The following OXR1 variants were observed in gnomAD, a reference collection of about 807,000 sequenced individuals.
OXR1 encodes the protein oxidation resistance protein 1.
Under a neutral mutation model 104.6 loss-of-function variants are expected in OXR1, and 41 were observed. The ratio of observed to expected loss-of-function variants is 0.39; its 90% CI spans 0.31 to 0.51. OXR1 has a LOEUF of 0.51. Among genes scored for constraint, OXR1 ranks in the 20% least tolerant of loss-of-function variants. The pLI is 0.77. For synonymous variants in OXR1, 348 were observed against 348.4 expected, an observed-to-expected ratio of 1.00 and a Z score of 0.01; for missense variants, 955 against 1,031.9, an observed-to-expected ratio of 0.93 and a Z score of 1.02.
chr8:106,433,801 G>C (rs550620685), intron 2 of OXR1, among the ~76,000 whole-genome samples: 1 of 152,258 alleles, frequency 6.6e-6, no homozygotes, highest in African/African-American at 2.4e-5. Context: ...ACTATTGCTA[G>C]ATTGTAGTTA....
intron 2 of OXR1, among the ~76,000 whole-genome samples, chr8:106,481,029 C>T (rs1406633966): frequency 2.0e-5 from 3 of 151,986 alleles, no homozygotes; most frequent in African/African-American, 7.2e-5. Context: ...CAGTGTATGG[C>T]TTACCAAGTA....
chr8:106,524,894 C>T (rs1046442640), intron 3 of OXR1, among the ~76,000 whole-genome samples: 2 of 152,116 alleles, frequency 1.3e-5, no homozygotes, highest in South Asian at 4.2e-4. Context: ...TTTATGGGCT[C>T]CATAGAGCAA....
chr8:106,588,529 C>A (rs991883060), intron 3 of OXR1, among the ~76,000 whole-genome samples: 1 of 151,654 alleles, frequency 6.6e-6, no homozygotes. Context: ...GCTCTGTCAC[C>A]CAGGCTAGAG....
chr8:106,592,004 A>G (rs568662617), intron 3 of OXR1, among the ~76,000 whole-genome samples: 28 of 152,288 alleles, frequency 1.8e-4, no homozygotes, highest in Admixed American at 5.2e-4. Flanking sequence ...CTTCACGTGT[A>G]CTCAAAATTA....
intron 2 of OXR1, among the ~76,000 whole-genome samples, chr8:106,461,647 T>C (rs1341519164): frequency 1.3e-5 from 2 of 152,176 alleles, no homozygotes; most frequent in African/African-American, 4.8e-5. Context: ...TTTAAAACTA[T>C]TTTAAGCCTG....
At chr8:106,507,737 G>A (rs1812265066) in intron 2 of OXR1, among the ~76,000 whole-genome samples, 1 of 152,220 alleles carries the variant, frequency 6.6e-6, no homozygotes, top group Non-Finnish European at 1.5e-5. Context: ...CGAGTGAACA[G>A]GATAAGAGAG....
At chr8:106,398,564 A>G (rs1288267410) in intron 2 of OXR1, among the ~76,000 whole-genome samples, 1 of 151,464 alleles carries the variant, frequency 6.6e-6, no homozygotes, top group East Asian at 1.9e-4. Flanking sequence ...GTATAAAACT[A>G]ATTAGCCTCT....
intron 3 of OXR1, among the ~76,000 whole-genome samples, chr8:106,620,351 C>G (rs1821602643): frequency 6.6e-6 from 1 of 151,952 alleles, no homozygotes; most frequent in African/African-American, 2.4e-5. Context: ...TCATGCGTCT[C>G]ACAATCAGTG....
At chr8:106,513,916 G>A (rs1812698378) in intron 2 of OXR1, among the ~76,000 whole-genome samples, 1 of 152,112 alleles carries the variant, frequency 6.6e-6, no homozygotes, top group African/African-American at 2.4e-5. Context: ...GCTGAAGGAA[G>A]GCATTGGAAT....
intron 9 of OXR1, among the ~76,000 whole-genome samples, chr8:106,708,498 C>G (rs1331110319): frequency 2.0e-5 from 3 of 152,160 alleles, no homozygotes; most frequent in Non-Finnish European, 4.4e-5. Context: ...TTTAACTACT[C>G]TAGATACTTC....
At chr8:106,539,183 G>A (rs997976606) in intron 3 of OXR1, among the ~76,000 whole-genome samples, 4 of 152,114 alleles carry the variant, frequency 2.6e-5, no homozygotes, top group Non-Finnish European at 5.9e-5. Context: ...TGCTGTAGTT[G>A]ATAAAAGTGA....
chr8:106,657,187 C>G (rs977584706), intron 3 of OXR1, among the ~76,000 whole-genome samples: 2 of 152,088 alleles, frequency 1.3e-5, no homozygotes, highest in African/African-American at 4.8e-5. Context: ...GTTGCCTAAA[C>G]AGGACTGGGA....
intron 1 of OXR1, among the ~76,000 whole-genome samples, chr8:106,313,144 T>A (rs1180539029): frequency 6.6e-6 from 1 of 152,188 alleles, no homozygotes; most frequent in Non-Finnish European, 1.5e-5. Context: ...GTAGTCACAA[T>A]GATATGTGAA....
chr8:106,573,044 T>G (rs895958041), intron 3 of OXR1, among the ~76,000 whole-genome samples: 1 of 152,086 alleles, frequency 6.6e-6, no homozygotes, highest in Non-Finnish European at 1.5e-5. Context: ...TTAAGAAAAC[T>G]GGGTGTTTCA....
At chr8:106,550,662 C>T (rs533999855) in intron 3 of OXR1, among the ~76,000 whole-genome samples, 1 of 152,240 alleles carries the variant, frequency 6.6e-6, no homozygotes, top group South Asian at 2.1e-4. Context: ...TTTCCCTGCT[C>T]TTGATCATTC....
At chr8:106,717,589 A>G (rs1832392192) in intron 11 of OXR1, among the ~76,000 whole-genome samples, 1 of 152,222 alleles carries the variant, frequency 6.6e-6, no homozygotes, top group African/African-American at 2.4e-5. Flanking sequence ...TAAATTTGGT[A>G]AACTTATTGT....
At chr8:106,581,273 T>G in intron 3 of OXR1, 1 of 1,279,098 alleles carries the variant, frequency 7.8e-7, no homozygotes, top group Non-Finnish European at 1.0e-6. Flanking sequence ...AAATCATGCC[T>G]TTCTATTTTT....
At chr8:106,350,219 T>C (rs1815667237) in intron 1 of OXR1, among the ~76,000 whole-genome samples, 1 of 152,116 alleles carries the variant, frequency 6.6e-6, no homozygotes, top group Non-Finnish European at 1.5e-5. Flanking sequence ...ACAAAAGTTG[T>C]CTTTATAGTT....
At chr8:106,540,735 G>A (rs1814889584) in intron 3 of OXR1, among the ~76,000 whole-genome samples, 1 of 152,170 alleles carries the variant, frequency 6.6e-6, no homozygotes, top group South Asian at 2.1e-4. Flanking sequence ...ATGGTGGAAG[G>A]CAAGGAGGAG....
Sources: allele counts gnomAD v4.1 joint callset (sites outside exome capture counted in the v4.1 genomes callset), GRCh38; gene constraint gnomAD v4.1.1; transcripts MANE v1.5; gene names NCBI Gene and HGNC (gene_info 2026-07-23, HGNC 2026-07-21).